The following SYMPK variants were observed in gnomAD, a reference collection of about 807,000 sequenced individuals.
The protein encoded by SYMPK is symplekin scaffold protein.
SYMPK carries 49 observed loss-of-function variants against 136.4 expected under a neutral mutation model. That is an observed-to-expected ratio of 0.36 (90% CI 0.29 to 0.46). SYMPK has a LOEUF of 0.46. Among genes scored for constraint, SYMPK ranks in the 20% least tolerant of loss-of-function variants. SYMPK has a pLI of 1.00. For missense variants in SYMPK, 1,365 were observed against 1,690.0 expected, an observed-to-expected ratio of 0.81 and a Z score of 3.37; for synonymous variants, 766 against 713.0, an observed-to-expected ratio of 1.07 and a Z score of -1.19.
chr19:45,859,314 A>AC lies in SYMPK; in HGVS notation c.-13+3743_-13+3744insG, dbSNP rs71175232. Among the ~76,000 whole-genome samples the AC allele has an allele frequency of 2.3e-4, 34 of 149,110 alleles. 1 individual carries two copies. The highest frequency in any genetic ancestry group is 3.4e-3 in the Middle Eastern group (1 of 290). On this transcript the variant is annotated intron_variant, in intron 1 of 26. Coordinates refer to ENST00000245934, the MANE Select transcript of SYMPK (RefSeq NM_004819.3). ...AAGTCTTTAAAAAAAAAAAAAAAAAAGGGCATGGTGTGGTGGCTCACTCCT... is the reference window on the plus strand; with the variant it reads ...AAGTCTTTAAAAAAAAAAAAAAAAAACGGGCATGGTGTGGTGGCTCACTCCT...
rs1971758893 is a variant in SYMPK at position 45,854,074 on chromosome 19, G to C, written c.171+101C>G. ...GAGCACTGTGGCCGGCACACACTGA[G>C]TGTGTAAATGTGGACACTGGTGTTA... On this transcript the variant is annotated intron_variant, in intron 3 of 26. Coordinates refer to ENST00000245934, the MANE Select transcript of SYMPK (RefSeq NM_004819.3). 3 of 1,114,148 alleles carry C rather than the reference G, an allele frequency of 2.7e-6. No homozygotes were observed. In the Admixed American group the frequency reaches 5.1e-5, roughly 19 times the overall value. 69.0% of individuals were successfully genotyped at this position (1,114,148 alleles called of 1,614,324 possible).
chr19:45,841,292 C>A (rs1442213032), intron 9 of SYMPK, among the ~76,000 whole-genome samples: 1 of 147,552 alleles, frequency 6.8e-6, no homozygotes, highest in African/African-American at 2.5e-5. Context: ...CAATTCCCCC[C>A]CCACCTTTTT....
chr19:45,853,015 G>C (rs978832243), intron 3 of SYMPK, among the ~76,000 whole-genome samples: 1 of 152,164 alleles, frequency 6.6e-6, no homozygotes, highest in African/African-American at 2.4e-5. Context: ...GTGCCTGCCA[G>C]GCTCTTTGGA....
At chr19:45,842,782 G>A in intron 8 of SYMPK, 1 of 384,660 alleles carries the variant, frequency 2.6e-6, no homozygotes, top group Non-Finnish European at 4.8e-6. Flanking sequence ...TGCTTCGCTT[G>A]GGGAGGGTTA....
chr19:45,825,815 G>A (rs76084739), intron 17 of SYMPK, among the ~76,000 whole-genome samples: 2,685 of 152,232 alleles, frequency 0.018, 192 homozygotes, highest in Admixed American at 0.14. Context: ...TGGGCCTCCC[G>A]AAGGCTGTGC....
At chr19:45,844,698 A>G (rs1334995205) in intron 7 of SYMPK, among the ~76,000 whole-genome samples, 1 of 152,074 alleles carries the variant, frequency 6.6e-6, no homozygotes, top group Admixed American at 6.6e-5. Context: ...ATTTAGTTAT[A>G]AAGATGTTCA....
intron 9 of SYMPK, among the ~76,000 whole-genome samples, chr19:45,840,340 C>T (rs1283599276): frequency 8.0e-6 from 1 of 125,336 alleles, no homozygotes; most frequent in African/African-American, 3.0e-5. Flanking sequence ...AAAAAAAAGA[C>T]AAATTTGGTG....
intron 18 of SYMPK, 118 bp downstream of exon 18, chr19:45,825,053 G>C (rs1194095137): frequency 1.5e-6 from 2 of 1,349,436 alleles, no homozygotes; most frequent in East Asian, 4.7e-5. Flanking sequence ...GGTCGGCCCG[G>C]GGTGACCACC....
intron 11 of SYMPK, among the ~76,000 whole-genome samples, chr19:45,833,316 C>G (rs561097511): frequency 6.6e-6 from 1 of 152,146 alleles, no homozygotes; most frequent in South Asian, 2.1e-4. Context: ...ATAGGTAAAA[C>G]TAGGGCCGGG....
intron 22 of SYMPK, among the ~76,000 whole-genome samples, chr19:45,818,640 T>C (rs1160367489): frequency 2.0e-5 from 3 of 152,100 alleles, no homozygotes; most frequent in African/African-American, 7.2e-5. Flanking sequence ...GGTGCCAGGC[T>C]AAGGGCTGTG....
intron 14 of SYMPK, 55 bp from the exon 15 acceptor site, chr19:45,827,973 C>T (rs1040477186): frequency 2.4e-5 from 37 of 1,556,514 alleles, no homozygotes; most frequent in Admixed American, 1.7e-4. Context: ...GCCTGGCTCC[C>T]GGGCCCTGCT....
intron 22 of SYMPK, 148 bp from the exon 23 acceptor site, chr19:45,818,294 C>G: frequency 1.3e-6 from 1 of 782,202 alleles, no homozygotes; most frequent in Non-Finnish European, 1.9e-6. Context: ...GAGACTCCCC[C>G]GACCCAGCAG....
rs1443634228 is a variant in SYMPK, at chr19:45,852,320, C to T, written c.291G>A (p.Glu97=). ...CGTGCCTCGCCCCATACCATGCCTC[C>T]TCGATGAAGCCGATGACAAATTTTC... ...EVRKFVIGFI[E]EACKRDIELL... Residue 97 remains glutamate, a synonymous_variant, in exon 5 of 27, where the codon GAG becomes GAA. Transcript: ENST00000245934. 7.4e-6 allele frequency: 12 copies of T among 1,614,140 alleles called. No homozygotes were observed. Among genetic ancestry groups the T allele is most frequent in the African/African-American group, 1.3e-5 (1 of 74,952 alleles).
intron 5 of SYMPK, among the ~76,000 whole-genome samples, chr19:45,850,683 G>T (rs921062593): frequency 2.0e-5 from 3 of 152,246 alleles, no homozygotes; most frequent in African/African-American, 7.2e-5. Flanking sequence ...TCATTCACGT[G>T]TGCAACAAAT....
chr19:45,851,911 AG>A (rs1383011182), intron 5 of SYMPK, among the ~76,000 whole-genome samples: 5 of 152,212 alleles, frequency 3.3e-5, no homozygotes, highest in African/African-American at 1.2e-4. Context: ...TAAAAAAAAA[AG>A]CTAATTTTGT....
intron 1 of SYMPK, among the ~76,000 whole-genome samples, chr19:45,861,126 C>A (rs1006872957): frequency 5.9e-5 from 9 of 152,304 alleles, no homozygotes; most frequent in South Asian, 2.1e-4. Flanking sequence ...CATGGTGGCT[C>A]ACACCTGTAA....
chr19:45,829,345 C>T, intron 13 of SYMPK, 140 bp from the exon 14 acceptor site: 1 of 708,152 alleles, frequency 1.4e-6, no homozygotes, highest in Non-Finnish European at 2.4e-6. Context: ...CAGCCGAGGA[C>T]CCTTATGCCT....
At chr19:45,816,278 C>T in intron 25 of SYMPK, 95 bp from the exon 26 acceptor site, 13 of 1,138,544 alleles carry the variant, frequency 1.1e-5, no homozygotes, top group Non-Finnish European at 1.6e-5. Flanking sequence ...TCTTTGAGTT[C>T]TTCACCAAGA....
At chr19:45,823,710 CG>C in intron 19 of SYMPK, 56 bp downstream of exon 19, 1 of 1,485,170 alleles carries the variant, frequency 6.7e-7, no homozygotes, top group Non-Finnish European at 9.4e-7. Flanking sequence ...CCCCAGGGCC[CG>C]GGGAAGGCTA....
Sources: gnomAD v4.1 joint callset for allele counts (sites outside exome capture counted in the v4.1 genomes callset) on GRCh38, gnomAD v4.1.1 for gene constraint, MANE v1.5 for transcripts, NCBI Gene and HGNC (gene_info 2026-07-23, HGNC 2026-07-21) for gene names.